Variants in RIPOR3 observed in about 807,000 individuals in gnomAD.
The protein encoded by RIPOR3 is RIPOR family member 3.
In RIPOR3, 95 loss-of-function variants were observed where a neutral mutation model predicts 114.3. That is an observed-to-expected ratio of 0.83 (90% confidence interval 0.70 to 0.99). RIPOR3 has a LOEUF of 0.99. Among genes scored for constraint, RIPOR3 ranks in the 50% least tolerant of loss-of-function variants. The probability of loss-of-function intolerance (pLI) is 0.00; values close to 1 mark genes in which losing one functional copy is unlikely to be tolerated. For synonymous variants in RIPOR3, 575 were observed against 543.8 expected (o/e 1.06, Z -0.80); for missense variants, 1,252 against 1,266.9 (o/e 0.99, Z 0.18).
intron 1 of RIPOR3, chr20:50,653,929 C>T (rs886719475): frequency 2.0e-5 from 3 of 152,016 alleles, no homozygotes; most frequent in African/African-American, 7.3e-5. Context: ...TTAATGCGCT[C>T]TCCTCATCTC....
rs145971054 is a variant in RIPOR3, at chr20:50,684,132, C to T, written c.3+6994G>A. On this transcript the variant is annotated intron_variant, in intron 1 of 21. Coordinates refer to ENST00000327979, the MANE Select transcript of RIPOR3 (RefSeq NM_001290268.2). Reference sequence around the variant, plus strand: ...AGGAAACTCACATTCCAGCAGGGGACACTTAAGAAAATAAGAATATATATG... The same window carrying T: ...AGGAAACTCACATTCCAGCAGGGGATACTTAAGAAAATAAGAATATATATG... Among the ~76,000 whole-genome samples the T allele has an allele frequency of 7.5e-3, 1,137 of 151,692 alleles. 12 individuals carry two copies. Among genetic ancestry groups the T allele is most frequent in the African/African-American group, 0.026 (1,088 of 41,402 alleles).
At position 50,587,783 on chromosome 20, in the gene RIPOR3, A is replaced by C. The variant is rs962809148; in HGVS notation, c.2752+19T>G. 1.7e-5 allele frequency: 27 copies of C among 1,613,628 alleles called. No individual in the cohort carries two copies. The highest frequency in any genetic ancestry group is 2.3e-5 in the Non-Finnish European group (27 of 1,179,642). On this transcript the variant is annotated intron_variant, in intron 21 of 21. Transcript: ENST00000327979. ...CCCCAGGCACCCCGCTGCGCTGCAC[A>C]GTTTGTGCCACTTTTTACCGAACGA...
At chr20:50,678,234 G>A (rs1224802611) in intron 1 of RIPOR3, among the ~76,000 whole-genome samples, 1 of 152,196 alleles carries the variant, frequency 6.6e-6, no homozygotes, top group Non-Finnish European at 1.5e-5. Context: ...AGCCCACAAG[G>A]CACAGTACAG....
At chr20:50,595,808 G>A (rs570669074) in intron 15 of RIPOR3, among the ~76,000 whole-genome samples, 4 of 152,310 alleles carry the variant, frequency 2.6e-5, no homozygotes, top group South Asian at 2.1e-4. Context: ...GCATCCAGCC[G>A]AGCCTGAAGC....
intron 1 of RIPOR3, among the ~76,000 whole-genome samples, chr20:50,638,326 A>G (rs145875995): frequency 0.032 from 4,814 of 152,342 alleles, 95 homozygotes; most frequent in Non-Finnish European, 0.045. Flanking sequence ...TCCTGACCGC[A>G]GAATAGTCAA....
chr20:50,625,666 T>A (rs1600615466), intron 2 of RIPOR3, among the ~76,000 whole-genome samples: 1 of 151,570 alleles, frequency 6.6e-6, no homozygotes. Flanking sequence ...GCTCGGGGAG[T>A]ACCTGCCTGA....
intron 16 of RIPOR3, 78 bp from the exon 17 acceptor site, chr20:50,594,792 T>C: frequency 6.6e-7 from 1 of 1,506,068 alleles, no homozygotes; most frequent in South Asian, 1.2e-5. Context: ...TTCCCTCCAC[T>C]AGGACCTGAG....
At chr20:50,629,941 CTGGTTTTT>C (rs756268601) in intron 2 of RIPOR3, among the ~76,000 whole-genome samples, 4 of 152,108 alleles carry the variant, frequency 2.6e-5, no homozygotes, top group Non-Finnish European at 4.4e-5. Flanking sequence ...ATCTGAGCCT[CTGGTTTTT>C]TGGTTTTTCT....
chr20:50,654,499 C>T (rs999527986), intron 1 of RIPOR3, among the ~76,000 whole-genome samples: 27 of 132,904 alleles, frequency 2.0e-4, no homozygotes, highest in African/African-American at 7.1e-4. Flanking sequence ...GGCGCAATCT[C>T]GGCTCACTGC....
intron 1 of RIPOR3, among the ~76,000 whole-genome samples, chr20:50,688,673 C>T (rs1046684065): frequency 5.9e-5 from 9 of 152,112 alleles, no homozygotes; most frequent in African/African-American, 2.2e-4. Flanking sequence ...TTCACATCTG[C>T]CCAGAACCCA....
chr20:50,597,593 A>T lies in RIPOR3; in HGVS notation c.1777T>A (p.Ser593Thr), dbSNP rs1459410926. 6.2e-7 allele frequency: 1 copy of T among 1,607,358 alleles called. No individual in the cohort carries two copies. The highest frequency in any genetic ancestry group is 2.2e-5 in the East Asian group (1 of 44,498). The change falls in exon 14 of 22, where the codon TCC becomes ACC. Residue 593 changes from serine (S) to threonine (T), a missense_variant. Ser to Thr is a moderately conservative substitution (Grantham distance 58). Coordinates refer to ENST00000327979, the MANE Select transcript of RIPOR3 (RefSeq NM_001290268.2). Reference protein sequence around the residue: ...ALDELSLFGGSQGLRKDRPLP... With the variant: ...ALDELSLFGGTQGLRKDRPLP... Reference sequence around the variant, plus strand: ...AGGTGCACTCACCGGAGACCCTGGGAGCCCCCAAACAGGGACAGCTCATCC... The same window carrying T: ...AGGTGCACTCACCGGAGACCCTGGGTGCCCCCAAACAGGGACAGCTCATCC...
intron 1 of RIPOR3, among the ~76,000 whole-genome samples, chr20:50,686,814 G>C (rs2087043759): frequency 6.6e-6 from 1 of 152,020 alleles, no homozygotes; most frequent in Non-Finnish European, 1.5e-5. Flanking sequence ...AAACTGCTGT[G>C]GGCATGGTTC....
intron 13 of RIPOR3, among the ~76,000 whole-genome samples, chr20:50,600,954 G>C (rs975018240): frequency 6.6e-6 from 1 of 152,122 alleles, no homozygotes; most frequent in African/African-American, 2.4e-5. Context: ...TGTGGTTGGC[G>C]ATAAAATGTG....
At chr20:50,686,895 A>G (rs1228282932) in intron 1 of RIPOR3, among the ~76,000 whole-genome samples, 1 of 152,132 alleles carries the variant, frequency 6.6e-6, no homozygotes, top group Non-Finnish European at 1.5e-5. Context: ...CCTGGACTAT[A>G]AGAGAGCGGA....
intron 1 of RIPOR3, among the ~76,000 whole-genome samples, chr20:50,649,672 C>T (rs564462242): frequency 1.3e-5 from 2 of 152,116 alleles, no homozygotes; most frequent in South Asian, 2.1e-4. Context: ...GCTTTTCCTG[C>T]TTAATGAGGT....
intron 4 of RIPOR3, among the ~76,000 whole-genome samples, chr20:50,613,516 AAAG>A (rs1365375614): frequency 2.0e-5 from 3 of 152,110 alleles, no homozygotes; most frequent in Admixed American, 2.0e-4. Context: ...AAGCCTTTGA[AAAG>A]AAGAGTGACT....
chr20:50,620,093 A>G lies in RIPOR3; in HGVS notation c.162T>C (p.Pro54=), dbSNP rs918935942. 5 of 1,614,148 alleles carry G rather than the reference A, an allele frequency of 3.1e-6. No individual in the cohort carries two copies. The highest frequency in any genetic ancestry group is 4.2e-6 in the Non-Finnish European group (5 of 1,180,028). Residue 54 remains proline, a synonymous_variant, in exon 3 of 22, where the codon CCT becomes CCC. Coordinates refer to ENST00000327979, the MANE Select transcript of RIPOR3 (RefSeq NM_001290268.2). ...INRNSVRSRM[P]AKSSKMYGTL... ...TGCCGTACATCTTGGAGGATTTTGC[A>G]GGCATTCGCGATCTCACGGAGTTCC... is the stretch of plus-strand genomic sequence containing the variant.
chr20:50,594,890 A>G (rs1215008154), intron 16 of RIPOR3, 176 bp from the exon 17 acceptor site: 1 of 652,800 alleles, frequency 1.5e-6, no homozygotes, highest in East Asian at 2.8e-5. Context: ...GGCTCTAAGC[A>G]TCTTACCAGG....
intron 1 of RIPOR3, among the ~76,000 whole-genome samples, chr20:50,643,920 A>G (rs914253128): frequency 1.3e-5 from 2 of 151,932 alleles, no homozygotes; most frequent in Non-Finnish European, 2.9e-5. Context: ...TCACCGTGTT[A>G]GCCAGGATGG....
Sources: gnomAD v4.1 joint callset for allele counts (sites outside exome capture counted in the v4.1 genomes callset) on GRCh38, gnomAD v4.1.1 for gene constraint, MANE v1.5 for transcripts, NCBI Gene and HGNC (gene_info 2026-07-23, HGNC 2026-07-21) for gene names.